Variants in TMTC4 observed in about 807,000 individuals in gnomAD.
TMTC4 encodes the protein transmembrane O-mannosyltransferase targeting cadherins 4.
A neutral mutation model predicts 86.0 loss-of-function variants in TMTC4; 65 were observed. The ratio of observed to expected loss-of-function variants is 0.76; its 90% confidence interval spans 0.62 to 0.93. TMTC4 has a LOEUF of 0.93. TMTC4 is among the 40% of genes least tolerant of loss of function. The probability of loss-of-function intolerance (pLI) is 0.00; values close to 1 mark genes in which losing one functional copy is unlikely to be tolerated. For synonymous variants in TMTC4, 379 were observed against 382.5 expected (o/e 0.99, Z 0.11); for missense variants, 866 against 948.1 (o/e 0.91, Z 1.14).
intron 12 of TMTC4, among the ~76,000 whole-genome samples, chr13:100,633,377 G>A (rs1053267674): frequency 1.3e-5 from 2 of 148,214 alleles, no homozygotes; most frequent in East Asian, 2.0e-4. Flanking sequence ...GCTGGCCACC[G>A]TGTGAGGGCA....
intron 5 of TMTC4, among the ~76,000 whole-genome samples, chr13:100,660,569 G>T (rs1432067433): frequency 2.0e-5 from 3 of 152,022 alleles, no homozygotes; most frequent in Admixed American, 2.0e-4. Context: ...AGTGGGGCTG[G>T]CTCCTCGGTG....
intron 1 of TMTC4, among the ~76,000 whole-genome samples, chr13:100,671,951 C>T (rs1216295929): frequency 6.6e-6 from 1 of 151,656 alleles, no homozygotes; most frequent in African/African-American, 2.4e-5. Context: ...TGGTTGAGAC[C>T]AAAGGCTCTG....
chr13:100,607,659 T>C (rs1361821372), intron 17 of TMTC4, among the ~76,000 whole-genome samples: 4 of 149,900 alleles, frequency 2.7e-5, no homozygotes, highest in South Asian at 2.1e-4. Flanking sequence ...GTGCATTTTA[T>C]AATGTGCAAG....
intron 2 of TMTC4, 83 bp from the exon 3 acceptor site, chr13:100,668,877 A>G: frequency 7.7e-7 from 1 of 1,302,726 alleles, no homozygotes; most frequent in Non-Finnish European, 1.1e-6. Context: ...TAAGAGCTAG[A>G]TAGTCATTTA....
In TMTC4 at chr13:100,605,711, TC is replaced by T. The variant is rs967740305; in HGVS notation, c.2135-570del. On this transcript the variant is annotated intron_variant, in intron 18 of 18. Transcript: ENST00000342624. The surrounding 1 kb of genome is among the most constrained non-coding windows in gnomAD (Gnocchi z 4.3). ...GTGATTTTGTTAGTAAAATTAACTT[TC>T]TATATGGGCAGAAGAGCATCTGTGG... Among the ~76,000 whole-genome samples the T allele has an allele frequency of 2.6e-5, 4 of 152,186 alleles. No individual in the cohort carries two copies. The highest frequency in any genetic ancestry group is 9.7e-5 in the African/African-American group (4 of 41,442).
At chr13:100,666,772 C>T (rs987439854) in intron 3 of TMTC4, among the ~76,000 whole-genome samples, 3 of 152,202 alleles carry the variant, frequency 2.0e-5, no homozygotes, top group African/African-American at 2.4e-5. Context: ...GTGGGAGCAT[C>T]GCTTCAGGCC....
chr13:100,610,308 C>G (rs1877360189), intron 17 of TMTC4, among the ~76,000 whole-genome samples: 1 of 152,246 alleles, frequency 6.6e-6, no homozygotes, highest in South Asian at 2.1e-4. Context: ...CGTCCCCTCA[C>G]TACATCCTGA....
At chr13:100,667,117 T>C (rs928548875) in intron 3 of TMTC4, among the ~76,000 whole-genome samples, 1 of 151,944 alleles carries the variant, frequency 6.6e-6, no homozygotes, top group Non-Finnish European at 1.5e-5. Flanking sequence ...CTGAGGAAAA[T>C]TACAAATGAA....
At chr13:100,653,279 T>C (rs1034026185) in intron 6 of TMTC4, among the ~76,000 whole-genome samples, 1 of 152,184 alleles carries the variant, frequency 6.6e-6, no homozygotes, top group Non-Finnish European at 1.5e-5. Context: ...CTAAGAACAG[T>C]GCCTCTGCTA....
intron 6 of TMTC4, among the ~76,000 whole-genome samples, chr13:100,644,750 C>A (rs1883498474): frequency 6.6e-6 from 1 of 152,184 alleles, no homozygotes; most frequent in Middle Eastern, 3.2e-3. Context: ...AAGCTTTTCA[C>A]AAGGCCAGCT....
intron 6 of TMTC4, among the ~76,000 whole-genome samples, chr13:100,654,309 T>G (rs1884811684): frequency 6.6e-6 from 1 of 152,206 alleles, no homozygotes; most frequent in Admixed American, 6.5e-5. Context: ...CATAATTTCT[T>G]TCCAATTTTA....
rs10523073 is a variant in TMTC4 at position 100,633,312 on chromosome 13, GAAAAAAAAAAAAAA to G, written c.1506+1479_1506+1492del. On this transcript the variant is annotated intron_variant, in intron 12 of 18. Coordinates refer to ENST00000342624, the MANE Select transcript of TMTC4 (RefSeq NM_032813.5). ...CAACAGAGCAAGACTCCATCTCAGG[GAAAAAAAAAAAAAA>G]AAAAAAAAAAAAAAAAGCTAACACT... 8.8e-5 allele frequency among the ~76,000 whole-genome samples: 7 copies of G among 79,602 alleles called. 2 individuals carry two copies. Among genetic ancestry groups the G allele is most frequent in the South Asian group, 1.1e-3 (2 of 1,896 alleles). The allele number at this position is 79,602 out of a possible 152,430, so 52.2% of individuals were successfully genotyped here. A position where few individuals can be genotyped will look rare whatever the true frequency, so the allele number is the denominator to read the frequency against.
Position 100,637,702 on chromosome 13 carries a change from T to G in TMTC4, c.835A>C (p.Asn279His). Residue 279 changes from asparagine (N) to histidine (H), a missense_variant and splice_region_variant, in exon 9 of 19, where the codon AAT (asparagine) becomes CAT (histidine). Asn to His is a moderately conservative substitution (Grantham distance 68). Coordinates refer to ENST00000342624, the MANE Select transcript of TMTC4 (RefSeq NM_032813.5). The part of the protein sequence containing the change: ...KVLHKDKSLE[N>H]LGMLRNGGLL... ...CCCCCGTTCCTGAGCATGCCGAGAT[T>G]CTGCAAGGACATCGCAAAGCCCCAG... 1 of 1,613,628 alleles carries G rather than the reference T, an allele frequency of 6.2e-7. No individual in the cohort carries two copies. Among genetic ancestry groups the G allele is most frequent in the African/African-American group, 1.3e-5 (1 of 75,050 alleles).
At chr13:100,654,227 A>G (rs971608559) in intron 6 of TMTC4, among the ~76,000 whole-genome samples, 8 of 152,254 alleles carry the variant, frequency 5.3e-5, no homozygotes, top group Admixed American at 1.3e-4. Flanking sequence ...TACCACTGCT[A>G]TCGGTTTGCA....
chr13:100,606,886 T>C (rs1303416623), intron 17 of TMTC4, among the ~76,000 whole-genome samples: 1 of 152,060 alleles, frequency 6.6e-6, no homozygotes, highest in Non-Finnish European at 1.5e-5. Context: ...GCCCCATCCA[T>C]CTGGAAAGAA....
chr13:100,671,924 T>G (rs1263472960), intron 1 of TMTC4, among the ~76,000 whole-genome samples: 1 of 147,524 alleles, frequency 6.8e-6, no homozygotes, highest in Non-Finnish European at 1.5e-5. Flanking sequence ...CCAGGCAAAG[T>G]GATCAGTCTA....
chr13:100,649,199 G>A (rs1337748175), intron 6 of TMTC4, among the ~76,000 whole-genome samples: 1 of 152,156 alleles, frequency 6.6e-6, no homozygotes, highest in Non-Finnish European at 1.5e-5. Flanking sequence ...AGTTCTGGAG[G>A]TGAACAAAAA....
rs770936512 is a variant in TMTC4, at chr13:100,637,714, T to C, written c.835-12A>G. The C allele has an allele frequency of 1.8e-5, 29 of 1,612,572 alleles. No individual in the cohort carries two copies. Among genetic ancestry groups the C allele is most frequent in the South Asian group, 1.1e-4 (10 of 91,024 alleles). On this transcript the variant is annotated splice_polypyrimidine_tract_variant and intron_variant, in intron 8 of 18. Transcript: ENST00000342624. ...AGCATGCCGAGATTCTGCAAGGACATCGCAAAGCCCCAGAGGTGGCTGATT... is the reference window on the plus strand; with the variant it reads ...AGCATGCCGAGATTCTGCAAGGACACCGCAAAGCCCCAGAGGTGGCTGATT...
chr13:100,622,524 A>T, intron 15 of TMTC4, among the ~76,000 whole-genome samples: 1 of 152,150 alleles, frequency 6.6e-6, no homozygotes, highest in Non-Finnish European at 1.5e-5. Context: ...GGTAGTGACT[A>T]AGTCTCATGA....
Sources: gnomAD v4.1 joint callset for allele counts (sites outside exome capture counted in the v4.1 genomes callset) on GRCh38, gnomAD v4.1.1 for gene constraint, Gnocchi (gnomAD v3.1) non-coding constraint, MANE v1.5 for transcripts, NCBI Gene and HGNC (gene_info 2026-07-23, HGNC 2026-07-21) for gene names.